Variants in FAAH2 observed in about 807,000 individuals in gnomAD.
FAAH2 encodes fatty acid amide hydrolase 2.
In FAAH2, 60 loss-of-function variants were observed where a neutral mutation model predicts 36.9. The ratio of observed to expected loss-of-function variants is 1.63; its 90% CI spans 1.32 to 2.02. The LOEUF (loss-of-function observed/expected upper bound fraction) is 2.02. FAAH2 is among the 30% of genes most tolerant of loss of function. The pLI, the probability that FAAH2 is intolerant of heterozygous loss-of-function variation, is 0.00. For missense variants in FAAH2, 689 were observed against 397.5 expected (o/e 1.73, Z -6.23); for synonymous variants, 214 against 143.8 (o/e 1.49, Z -3.49).
chrX:57,322,994 C>G (rs968867424), intron 3 of FAAH2, among the ~76,000 whole-genome samples: 45 of 110,448 alleles, frequency 4.1e-4, no homozygotes, highest in Admixed American at 1.8e-3. Flanking sequence ...TTTCCCCACC[C>G]CACAACAGGC....
upstream of FAAH2, among the ~76,000 whole-genome samples, chrX:57,285,694 T>C (rs2051799896): frequency 9.0e-6 from 1 of 111,436 alleles, no homozygotes; most frequent in African/African-American, 3.3e-5. Flanking sequence ...GAGCTTAGCA[T>C]GTGAGGGATA....
chrX:57,149,296 G>C, the FAAH2 span, among the ~76,000 whole-genome samples: 3 of 111,496 alleles, frequency 2.7e-5, no homozygotes, highest in Non-Finnish European at 5.7e-5. Context: ...AGGATTCCCT[G>C]TTTTTCTATT....
intron 3 of FAAH2, among the ~76,000 whole-genome samples, chrX:57,317,845 A>G (rs2052889951): frequency 8.9e-6 from 1 of 112,094 alleles, no homozygotes; most frequent in Non-Finnish European, 1.9e-5. Context: ...TCAAATTACA[A>G]CTAAGGATTA....
At chrX:57,364,621 T>C (rs1410941868) in intron 5 of FAAH2, among the ~76,000 whole-genome samples, 1 of 109,861 alleles carries the variant, frequency 9.1e-6, no homozygotes, top group African/African-American at 3.3e-5. Context: ...CTCTTGCTTG[T>C]CTAGTTCCAC....
chrX:57,412,029 A>G (rs1370597354), intron 7 of FAAH2, among the ~76,000 whole-genome samples: 4 of 112,018 alleles, frequency 3.6e-5, no homozygotes, highest in Non-Finnish European at 7.5e-5. Context: ...ATATTTCGAT[A>G]CAAGTATACA....
the FAAH2 span, among the ~76,000 whole-genome samples, chrX:57,246,040 G>A: frequency 5.4e-5 from 6 of 111,032 alleles, no homozygotes; most frequent in African/African-American, 9.8e-5. Context: ...ATGCTATAGG[G>A]GATAAACTAC....
At chrX:57,215,251 A>G in the FAAH2 span, among the ~76,000 whole-genome samples, 1 of 111,834 alleles carries the variant, frequency 8.9e-6, no homozygotes, top group Non-Finnish European at 1.9e-5. Flanking sequence ...AATGCAAATC[A>G]GAACCACAGT....
At chrX:57,211,819 A>C in the FAAH2 span, among the ~76,000 whole-genome samples, 1 of 112,108 alleles carries the variant, frequency 8.9e-6, no homozygotes, top group African/African-American at 3.2e-5. Context: ...ATTTATAGGC[A>C]AGGAAATTAT....
the FAAH2 span, among the ~76,000 whole-genome samples, chrX:57,234,457 C>T: frequency 9.0e-5 from 10 of 111,340 alleles, no homozygotes; most frequent in African/African-American, 2.6e-4. Flanking sequence ...ACATTTGTTG[C>T]GCACTTTAGT....
intron 7 of FAAH2, among the ~76,000 whole-genome samples, chrX:57,427,563 A>C (rs1182040578): frequency 8.9e-6 from 1 of 111,921 alleles, no homozygotes. Flanking sequence ...CATCATGATC[A>C]AGTTGGTTTT....
At chrX:57,406,189 G>A in intron 7 of FAAH2, among the ~76,000 whole-genome samples, 1 of 111,857 alleles carries the variant, frequency 8.9e-6, no homozygotes, top group East Asian at 2.8e-4. Flanking sequence ...AATGTGCCAA[G>A]GGCTCTGTAT....
chrX:57,440,103 A>T (rs1198215098), intron 8 of FAAH2, among the ~76,000 whole-genome samples: 2 of 111,420 alleles, frequency 1.8e-5, no homozygotes, highest in African/African-American at 6.5e-5. Flanking sequence ...TTGGTTACAT[A>T]TGAACTTAGA....
chrX:57,236,076 C>T, the FAAH2 span, among the ~76,000 whole-genome samples: 1 of 111,997 alleles, frequency 8.9e-6, no homozygotes, highest in Non-Finnish European at 1.9e-5. Flanking sequence ...TAAATTACAC[C>T]TATAAGTGAA....
chrX:57,327,762 T>A (rs895417636), intron 3 of FAAH2, among the ~76,000 whole-genome samples: 1 of 111,572 alleles, frequency 9.0e-6, no homozygotes, highest in African/African-American at 3.3e-5. Flanking sequence ...CAAGTTTTTT[T>A]AACTTCTTTG....
At chrX:57,196,381 G>A in the FAAH2 span, among the ~76,000 whole-genome samples, 68 of 111,879 alleles carry the variant, frequency 6.1e-4, no homozygotes, top group African/African-American at 2.1e-3. Context: ...TTGGTGTATA[G>A]CAGAGCTACT....
chrX:57,371,120 T>A (rs1188844231), intron 5 of FAAH2, among the ~76,000 whole-genome samples: 1 of 111,921 alleles, frequency 8.9e-6, no homozygotes, highest in Non-Finnish European at 1.9e-5. Context: ...ACTTTTATTT[T>A]AGATTGAGGG....
the FAAH2 span, among the ~76,000 whole-genome samples, chrX:57,165,008 G>T: frequency 8.9e-6 from 1 of 112,232 alleles, no homozygotes; most frequent in African/African-American, 3.2e-5. Context: ...TAGATAAAAT[G>T]GAAATAAAAT....
chrX:57,249,395 C>T, the FAAH2 span, among the ~76,000 whole-genome samples: 2 of 112,156 alleles, frequency 1.8e-5, no homozygotes, highest in Non-Finnish European at 3.8e-5. Context: ...TGAAGGCATT[C>T]TTACACACAC....
intron 5 of FAAH2, among the ~76,000 whole-genome samples, chrX:57,343,867 G>A (rs954470410): frequency 1.8e-5 from 2 of 111,551 alleles, no homozygotes; most frequent in East Asian, 5.7e-4. Flanking sequence ...TTATTGAATA[G>A]GAAGTCCTGT....
Sources: gnomAD v4.1 joint callset for allele counts (sites outside exome capture counted in the v4.1 genomes callset) on GRCh38, gnomAD v4.1.1 for gene constraint, MANE v1.5 for transcripts, NCBI Gene and HGNC (gene_info 2026-07-23, HGNC 2026-07-21) for gene names.